CENPN: variants seen among roughly 807,000 people sequenced by gnomAD.
The protein encoded by CENPN is centromere protein N.
A neutral mutation model predicts 48.6 loss-of-function variants in CENPN; 36 were observed. The ratio of observed to expected loss-of-function variants is 0.74; its 90% CI spans 0.57 to 0.98. CENPN has a LOEUF of 0.98. Ranked by LOEUF, CENPN falls within the 50% of genes least tolerant of loss-of-function variation. The pLI is 0.00. For missense variants in CENPN, 439 were observed against 399.2 expected, an observed-to-expected ratio of 1.10 and a Z score of -0.85; for synonymous variants, 166 against 135.2, an observed-to-expected ratio of 1.23 and a Z score of -1.58.
chr16:81,026,782 G>T, intron 9 of CENPN, 144 bp downstream of exon 9: 1 of 453,536 alleles, frequency 2.2e-6, no homozygotes, highest in South Asian at 3.6e-5. Context: ...GAATTAAATA[G>T]ACCTCTTTAT....
chr16:81,017,142 G>A lies in CENPN; in HGVS notation c.218-184G>A. The A allele has an allele frequency of 1.3e-5, 6 of 461,694 alleles. No individual in the cohort carries two copies. The South Asian group carries it at 1.7e-4, about 13-fold the overall frequency. 28.6% of individuals were successfully genotyped at this position (461,694 alleles called of 1,614,324 possible). A position where few individuals can be genotyped will look rare whatever the true frequency, so the allele number is the denominator to read the frequency against. Reference sequence around the variant, plus strand: ...TAAGTCAGTTGAATTAAGTAATTATGATTTGCTTTATTTATATGAAGTACT... The same window carrying A: ...TAAGTCAGTTGAATTAAGTAATTATAATTTGCTTTATTTATATGAAGTACT... On this transcript the variant is annotated intron_variant, in intron 3 of 10. Coordinates refer to ENST00000305850, the MANE Select transcript of CENPN (RefSeq NM_001100624.3).
intron 1 of CENPN, among the ~76,000 whole-genome samples, chr16:81,010,258 G>C (rs983768072): frequency 6.6e-6 from 1 of 152,218 alleles, no homozygotes; most frequent in Non-Finnish European, 1.5e-5. Flanking sequence ...TTTGAAGAGA[G>C]AGAGAGAGAT....
At chr16:81,024,060 G>A (rs35011155) in intron 7 of CENPN, 5,601 of 151,524 alleles carry the variant, frequency 0.037, 217 homozygotes, top group African/African-American at 0.1. Context: ...CAGCCTGGGC[G>A]ACAGAGTGAG....
intron 6 of CENPN, among the ~76,000 whole-genome samples, chr16:81,021,248 T>C (rs1483413722): frequency 6.6e-6 from 1 of 152,236 alleles, no homozygotes; most frequent in Non-Finnish European, 1.5e-5. Flanking sequence ...TGCTTTCACA[T>C]AAGATGTAGC....
chr16:81,010,776 C>G (rs1969705869), intron 1 of CENPN, among the ~76,000 whole-genome samples: 1 of 152,190 alleles, frequency 6.6e-6, no homozygotes, highest in South Asian at 2.1e-4. Context: ...TGGTAAAAAC[C>G]TTGGTTTCAT....
intron 9 of CENPN, among the ~76,000 whole-genome samples, chr16:81,027,527 G>A (rs1970561456): frequency 6.6e-6 from 1 of 152,080 alleles, no homozygotes; most frequent in Admixed American, 6.5e-5. Context: ...AAAAAAATGT[G>A]GTATTTTTAC....
intron 7 of CENPN, 61 bp from the exon 8 acceptor site, chr16:81,024,654 A>G: frequency 5.3e-6 from 6 of 1,138,252 alleles, no homozygotes; most frequent in Non-Finnish European, 7.7e-6. Flanking sequence ...ACTAAAAAAA[A>G]AATTAATATC....
chr16:81,027,210 G>T (rs1219944166), intron 9 of CENPN, among the ~76,000 whole-genome samples: 1 of 152,166 alleles, frequency 6.6e-6, no homozygotes, highest in African/African-American at 2.4e-5. Flanking sequence ...AGATATCTCA[G>T]TTGGGCACAG....
At chr16:81,019,670 C>A (rs1365561672) in intron 5 of CENPN, among the ~76,000 whole-genome samples, 3 of 151,858 alleles carry the variant, frequency 2.0e-5, no homozygotes, top group Non-Finnish European at 4.4e-5. Context: ...TCAGGACAAG[C>A]CCAAGAAATT....
In CENPN at chr16:81,029,425, G is replaced by C; in HGVS notation, c.*774G>C. 2.2e-6 allele frequency: 1 copy of C among 451,684 alleles called. No homozygotes were observed. Among genetic ancestry groups the C allele is most frequent in the Non-Finnish European group, 2.9e-6 (1 of 342,560 alleles). 28.0% of individuals were successfully genotyped at this position (451,684 alleles called of 1,614,324 possible). A position where few individuals can be genotyped will look rare whatever the true frequency, so the allele number is the denominator to read the frequency against. ...TTTCTTTATTTATTTATTGAGACAG[G>C]GTCTCACTGTGTCACCCAAGCTGGA... On this transcript the variant is annotated 3_prime_UTR_variant, in exon 11 of 11. Transcript: ENST00000305850.
At chr16:81,012,259 A>C in intron 2 of CENPN, 149 bp downstream of exon 2, 1 of 508,072 alleles carries the variant, frequency 2.0e-6, no homozygotes, top group East Asian at 3.2e-5. Context: ...GTGGAAAAAA[A>C]CCTAATTTTT....
intron 3 of CENPN, among the ~76,000 whole-genome samples, chr16:81,015,927 C>T (rs1003257121): frequency 8.6e-5 from 13 of 151,814 alleles, no homozygotes; most frequent in South Asian, 6.2e-4. Flanking sequence ...ATCATTTGAA[C>T]CCAGGAGACA....
chr16:81,020,272 G>A lies in CENPN; in HGVS notation c.527G>A (p.Gly176Asp). 6.2e-7 allele frequency: 1 copy of A among 1,608,508 alleles called. No individual in the cohort carries two copies. The highest frequency in any genetic ancestry group is 8.5e-7 in the Non-Finnish European group (1 of 1,178,492). ...CTGAGGCGCAATACACCGCTTCTGG[G>A]TCAGGTATGGAAAAAATTATTACAA... ...SMLRRNTPLL[G>D]QALTIASKHH... Residue 176 changes from glycine to aspartate, a missense_variant, in exon 6 of 11, where the codon GGT becomes GAT. Physicochemically the swap from Gly to Asp is moderately conservative, Grantham distance 94. Coordinates refer to ENST00000305850, the MANE Select transcript of CENPN (RefSeq NM_001100624.3).
rs761491820 is a variant in CENPN, at chr16:81,022,664, C to A, written c.599C>A (p.Ser200Tyr). The A allele has an allele frequency of 3.7e-6, 6 of 1,614,052 alleles. No homozygotes were observed. The South Asian group carries it at 6.6e-5, about 18-fold the overall frequency. ...GACCTGAGAAGTCGGTATCTGGACT[C>A]TCTTAAGGCTATTGTTTTTAAACAG... is the stretch of plus-strand genomic sequence containing the variant. ...KMDLRSRYLD[S>Y]LKAIVFKQYN... Residue 200 changes from serine (S) to tyrosine (Y), a missense_variant, in exon 7 of 11, where the codon TCT (serine) becomes TAT (tyrosine). Physicochemically the swap from Ser to Tyr is moderately radical, Grantham distance 144 (BLOSUM62 -2). Transcript: ENST00000305850.
chr16:81,028,401 T>G, intron 10 of CENPN, 104 bp downstream of exon 10: 1 of 1,499,438 alleles, frequency 6.7e-7, no homozygotes, highest in Non-Finnish European at 9.1e-7. Flanking sequence ...CACCCTAGTC[T>G]GCTAGCCCAT....
Position 81,029,177 on chromosome 16 carries a change from G to A in CENPN, c.*526G>A. The A allele has an allele frequency of 1.0e-6, 1 of 981,134 alleles. No individual in the cohort carries two copies. The highest frequency in any genetic ancestry group is 1.2e-6 in the Non-Finnish European group (1 of 826,074). The allele number at this position is 981,134 out of a possible 1,614,324, so 60.8% of individuals were successfully genotyped here. A position where few individuals can be genotyped will look rare whatever the true frequency, so the allele number is the denominator to read the frequency against. On this transcript the variant is annotated 3_prime_UTR_variant, in exon 11 of 11. Coordinates refer to ENST00000305850, the MANE Select transcript of CENPN (RefSeq NM_001100624.3). ...CATTCTGTTATTGTTGCAAGAGGTT[G>A]CATATTTGGTGAGTCAGTTATATAA...
At chr16:81,014,072 G>A (rs768695808) in intron 2 of CENPN, 64 bp from the exon 3 acceptor site, 6 of 1,365,276 alleles carry the variant, frequency 4.4e-6, no homozygotes, top group Non-Finnish European at 6.3e-6. Flanking sequence ...CCTAAAATGT[G>A]TTTTAAACGG....
Position 81,028,693 on chromosome 16 carries a change from T to C in CENPN, c.*42T>C. 1 of 1,592,858 alleles carries C rather than the reference T, an allele frequency of 6.3e-7. No homozygotes were observed. Among genetic ancestry groups the C allele is most frequent in the Non-Finnish European group, 8.5e-7 (1 of 1,174,086 alleles). On this transcript the variant is annotated 3_prime_UTR_variant, in exon 11 of 11. Transcript: ENST00000305850. ...TAAGCACAGCTCCTCCTTCTTGATATTGCACATGCACTTCAGTTCATGGCT... is the reference window on the plus strand; with the variant it reads ...TAAGCACAGCTCCTCCTTCTTGATACTGCACATGCACTTCAGTTCATGGCT...
At chr16:81,018,967 G>C (rs773909903) in intron 5 of CENPN, among the ~76,000 whole-genome samples, 28 of 152,280 alleles carry the variant, frequency 1.8e-4, no homozygotes, top group Non-Finnish European at 3.1e-4. Flanking sequence ...TCCAGGAGCA[G>C]CCTATTAAAT....
Sources: gnomAD v4.1 joint callset for allele counts (sites outside exome capture counted in the v4.1 genomes callset) on GRCh38, gnomAD v4.1.1 for gene constraint, MANE v1.5 for transcripts, NCBI Gene and HGNC (gene_info 2026-07-23, HGNC 2026-07-21) for gene names.